AVEN: variants seen among roughly 807,000 people sequenced by gnomAD.
AVEN encodes the protein cell death regulator Aven.
AVEN carries 41 observed loss-of-function variants against 38.1 expected under a neutral mutation model. The ratio of observed to expected loss-of-function variants is 1.08; its 90% CI spans 0.84 to 1.40. AVEN has a LOEUF of 1.40. AVEN is among the 40% of genes most tolerant of loss of function. AVEN has a pLI of 0.00. For synonymous variants in AVEN, 206 were observed against 171.8 expected, an observed-to-expected ratio of 1.20 and a Z score of -1.56; for missense variants, 605 against 438.8, an observed-to-expected ratio of 1.38 and a Z score of -3.38.
intron 5 of AVEN, among the ~76,000 whole-genome samples, chr15:34,050,080 GT>G (rs1361564040): frequency 2.0e-5 from 3 of 151,766 alleles, no homozygotes; most frequent in Non-Finnish European, 4.4e-5. Flanking sequence ...TAGAGATGGG[GT>G]TTCACCTTGT....
chr15:33,956,272 A>C (rs542850868), intron 2 of AVEN, among the ~76,000 whole-genome samples: 1 of 151,788 alleles, frequency 6.6e-6, no homozygotes, highest in Admixed American at 6.6e-5. Context: ...TCCCATTTCC[A>C]TCTCCCCGCT....
chr15:34,039,220 G>A, upstream of AVEN: 1 of 449,592 alleles, frequency 2.2e-6, no homozygotes, highest in Non-Finnish European at 3.0e-6. Context: ...GGGGCGGGGC[G>A]GGGCGGCCGG....
intron 1 of AVEN, among the ~76,000 whole-genome samples, chr15:34,017,728 C>T (rs1898003069): frequency 6.6e-6 from 1 of 152,118 alleles, no homozygotes; most frequent in Non-Finnish European, 1.5e-5. Context: ...GATCCACCCA[C>T]CTCAGCCTCC....
At chr15:33,921,929 G>A (rs1893411754) in intron 2 of AVEN, among the ~76,000 whole-genome samples, 3 of 152,164 alleles carry the variant, frequency 2.0e-5, no homozygotes, top group African/African-American at 4.8e-5. Context: ...TAAGAGCAGG[G>A]AGCGGAGGGT....
intron 2 of AVEN, among the ~76,000 whole-genome samples, chr15:33,987,839 C>G (rs971935500): frequency 3.3e-5 from 5 of 152,190 alleles, no homozygotes; most frequent in Admixed American, 6.5e-5. Flanking sequence ...AGTGGGATCA[C>G]ACCCTGGATG....
chr15:34,037,109 C>CA (rs59011779), intron 1 of AVEN, among the ~76,000 whole-genome samples: 42 of 137,770 alleles, frequency 3.0e-4, no homozygotes, highest in Middle Eastern at 3.8e-3. Context: ...AACTCCGTCT[C>CA]AAAAAAAAAA....
chr15:34,033,770 A>G (rs979179154), intron 1 of AVEN, among the ~76,000 whole-genome samples: 2 of 152,274 alleles, frequency 1.3e-5, no homozygotes, highest in East Asian at 3.9e-4. Context: ...TCTTCACACT[A>G]CTAAAGAGTT....
intron 2 of AVEN, among the ~76,000 whole-genome samples, chr15:33,904,692 AAAATAT>A (rs1384728057): frequency 3.8e-5 from 4 of 104,588 alleles, no homozygotes; most frequent in African/African-American, 1.3e-4. Context: ...TAAAAAAAAA[AAAATAT>A]ATATATATAT....
intron 2 of AVEN, among the ~76,000 whole-genome samples, chr15:33,960,058 C>G (rs1895105011): frequency 6.6e-6 from 1 of 152,166 alleles, no homozygotes; most frequent in African/African-American, 2.4e-5. Flanking sequence ...GATGACCCTT[C>G]AGAGCCTCAA....
chr15:33,860,496 C>CTTT, intron 11 of AVEN: 13 of 554,170 alleles, frequency 2.3e-5, no homozygotes, highest in East Asian at 3.6e-5. Context: ...TGATAATTCA[C>CTTT]TTTTTTTTTT....
rs114530233 is a variant in AVEN, at chr15:33,871,705, G to A, written c.517-675C>T. Among the ~76,000 whole-genome samples, 245 of 148,296 alleles carry A rather than the reference G, an allele frequency of 1.7e-3. 2 individuals carry two copies. The highest frequency in any genetic ancestry group is 2.2e-3 in the South Asian group (10 of 4,512). On this transcript the variant is annotated intron_variant, in intron 3 of 5. Coordinates refer to ENST00000306730, the MANE Select transcript of AVEN (RefSeq NM_020371.3). ...ATTCAGACTGCTGGCCTCAGAAGAG[G>A]AAAGGGCTATTTAGGCAGTGAGAAG...
rs1437320202 is a variant in AVEN at position 34,073,606 on chromosome 15, C to T, written n.720+830G>A. Among the ~76,000 whole-genome samples the T allele has an allele frequency of 4.6e-5, 7 of 150,746 alleles. 1 individual carries two copies. The East Asian group carries it at 1.4e-3, about 29-fold the overall frequency. ...CATGATCTCGGCTCACCACAACTTC[C>T]GCCTCCCGGGTTCAAGCAATTCTCC... On this transcript the variant is annotated intron_variant and non_coding_transcript_variant, in intron 1 of 11. Coordinates refer to the AVEN transcript ENST00000675287.
rs1375939917 is a variant in AVEN at position 33,866,304 on chromosome 15, TGCTATGCTGTAAACACTG to T, written c.*291_*308del. Reference sequence around the variant, plus strand: ...TATTCTCTTAATCAGCAGCAGCATCTGCTATGCTGTAAACACTGGCTATGTTGTAAACACTGCAAGGAA... The same window carrying T: ...TATTCTCTTAATCAGCAGCAGCATCTGCTATGTTGTAAACACTGCAAGGAA... On this transcript the variant is annotated 3_prime_UTR_variant, in exon 6 of 6. Coordinates refer to ENST00000306730, the MANE Select transcript of AVEN (RefSeq NM_020371.3). 1.5e-5 allele frequency: 5 copies of T among 330,804 alleles called. No homozygotes were observed. The highest frequency in any genetic ancestry group is 7.4e-5 in the South Asian group (1 of 13,598). The allele number at this position is 330,804 out of a possible 1,614,324, so 20.5% of individuals were successfully genotyped here. A position where few individuals can be genotyped will look rare whatever the true frequency, so the allele number is the denominator to read the frequency against.
At chr15:33,867,891 G>A (rs748536631) in intron 4 of AVEN, 36 bp from the exon 5 acceptor site, 2 of 1,527,810 alleles carry the variant, frequency 1.3e-6, no homozygotes, top group Non-Finnish European at 1.8e-6. Flanking sequence ...TTAAAAATGT[G>A]AGTCTTGCCA....
intron 2 of AVEN, among the ~76,000 whole-genome samples, chr15:33,925,601 A>C (rs1213188814): frequency 1.3e-5 from 2 of 152,222 alleles, no homozygotes; most frequent in Non-Finnish European, 2.9e-5. Flanking sequence ...AAGACACTTA[A>C]AAGTAATTCC....
Position 34,000,479 on chromosome 15 carries a change from G to A in AVEN, c.445+2553C>T, listed in dbSNP as rs150514592. ...CACCAGGAACTCTCTCATCTTTACC[G>A]TGGAAAGCAATTTGGCAATATCTAG... is the stretch of plus-strand genomic sequence containing the variant. On this transcript the variant is annotated intron_variant, in intron 2 of 5. Coordinates refer to ENST00000306730, the MANE Select transcript of AVEN (RefSeq NM_020371.3). 1.9e-4 allele frequency among the ~76,000 whole-genome samples: 29 copies of A among 152,242 alleles called. No homozygotes were observed. The East Asian group carries it at 2.7e-3, about 14-fold the overall frequency.
At chr15:33,852,405 C>G in the AVEN span, 1 of 152,172 alleles carries the variant, frequency 6.6e-6, no homozygotes, top group Non-Finnish European at 1.5e-5. Flanking sequence ...AAGATCATCT[C>G]TCTGGGGATG....
intron 11 of AVEN, chr15:33,860,562 C>A (rs576730554): frequency 4.6e-5 from 64 of 1,405,224 alleles, no homozygotes; most frequent in Admixed American, 8.0e-5. Context: ...AACCACTACA[C>A]AGATTGCTTT....
chr15:34,003,185 T>A lies in AVEN; in HGVS notation c.292A>T (p.Thr98Ser). 6.2e-7 allele frequency: 1 copy of A among 1,613,684 alleles called. No individual in the cohort carries two copies. The highest frequency in any genetic ancestry group is 8.5e-7 in the Non-Finnish European group (1 of 1,179,892). ...APVEDDSDAE[T>S]YGEENDEQGN... Reference sequence around the variant, plus strand: ...TGTTCATCATTCTCTTCTCCATAGGTCTCTGCATCGCTGTCATCTTCAACC... The same window carrying A: ...TGTTCATCATTCTCTTCTCCATAGGACTCTGCATCGCTGTCATCTTCAACC... The change falls in exon 2 of 6, where the codon ACC becomes TCC. Residue 98 changes from threonine to serine, a missense_variant. Thr to Ser is a moderately conservative substitution (Grantham distance 58). Transcript: ENST00000306730.
Sources: allele counts gnomAD v4.1 joint callset (sites outside exome capture counted in the v4.1 genomes callset), GRCh38; gene constraint gnomAD v4.1.1; transcripts MANE v1.5; gene names NCBI Gene and HGNC (gene_info 2026-07-23, HGNC 2026-07-21).